DNAH17: variants seen among roughly 807,000 people sequenced by gnomAD.
The protein encoded by DNAH17 is axonemal beta dynein heavy chain 17.
In DNAH17, 376 loss-of-function variants were observed where a neutral mutation model predicts 485.6. The ratio of observed to expected loss-of-function variants is 0.77; its 90% CI spans 0.71 to 0.84. DNAH17 has a LOEUF of 0.84. Among genes scored for constraint, DNAH17 ranks in the 40% least tolerant of loss-of-function variants. The pLI, the probability that DNAH17 is intolerant of heterozygous loss-of-function variation, is 0.00. For synonymous variants in DNAH17, 3,031 were observed against 2,405.9 expected, an observed-to-expected ratio of 1.26 and a Z score of -7.60; for missense variants, 6,370 against 5,839.3, an observed-to-expected ratio of 1.09 and a Z score of -2.96.
chr17:78,562,084 ATG>A, intron 11 of DNAH17, 104 bp from the exon 12 acceptor site: 1 of 1,354,414 alleles, frequency 7.4e-7, no homozygotes, highest in Non-Finnish European at 9.8e-7. Flanking sequence ...GAGTGAGAGA[ATG>A]TGTACCTTGC....
chr17:78,471,966 C>G (rs929649923), intron 54 of DNAH17, among the ~76,000 whole-genome samples: 1 of 152,164 alleles, frequency 6.6e-6, no homozygotes, highest in Non-Finnish European at 1.5e-5. Context: ...TTCTCCCCCA[C>G]CCTCCCTCCT....
intron 39 of DNAH17, 63 bp downstream of exon 39, chr17:78,494,896 C>A: frequency 1.9e-6 from 3 of 1,577,900 alleles, no homozygotes; most frequent in African/African-American, 2.7e-5. Flanking sequence ...GAAGCCAACC[C>A]TGGCTGCTGC....
At chr17:78,433,722 G>C (rs1322541610) in intron 75 of DNAH17, among the ~76,000 whole-genome samples, 3 of 152,064 alleles carry the variant, frequency 2.0e-5, no homozygotes, top group Non-Finnish European at 4.4e-5. Context: ...AAGAGGGGCA[G>C]GTGGCGTGGA....
At chr17:78,505,248 G>A (rs775237934) in intron 31 of DNAH17, 45 bp downstream of exon 31, 1 of 1,610,264 alleles carries the variant, frequency 6.2e-7, no homozygotes, top group Non-Finnish European at 8.5e-7. Context: ...CACGCGTGCT[G>A]CACCCTTGTC....
Position 78,441,080 on chromosome 17 carries a change from AC to A in DNAH17, c.11647del (p.Val3883LeufsTer4). On this transcript the variant is annotated frameshift_variant, in exon 72 of 81. Coordinates refer to ENST00000389840, the MANE Select transcript of DNAH17 (RefSeq NM_173628.4). LOFTEE classifies it high-confidence loss of function. The part of the protein sequence containing the change: ...TSIFFILSPG[V>X]DPLKDVEALG... Reference sequence around the variant, plus strand: ...GGCTTCCACGTCTTTCAAGGGGTCAACCCCCGGGGAGAGGATGAAGAAGATT... The same window carrying A: ...GGCTTCCACGTCTTTCAAGGGGTCAACCCCGGGGAGAGGATGAAGAAGATT... 1.2e-6 allele frequency: 2 copies of A among 1,607,330 alleles called. No individual in the cohort carries two copies. Among genetic ancestry groups the A allele is most frequent in the Non-Finnish European group, 1.7e-6 (2 of 1,176,944 alleles).
chr17:78,474,981 T>TCACACC (rs2088946019), intron 54 of DNAH17, among the ~76,000 whole-genome samples: 1 of 149,204 alleles, frequency 6.7e-6, no homozygotes, highest in African/African-American at 2.5e-5. Context: ...CTGGAAGGTT[T>TCACACC]CACACGCTTC....
chr17:78,501,323 T>C lies in DNAH17; in HGVS notation c.5344A>G (p.Thr1782Ala), dbSNP rs1192141782. The C allele has an allele frequency of 6.2e-7, 1 of 1,600,862 alleles. No individual in the cohort carries two copies. The highest frequency in any genetic ancestry group is 2.3e-5 in the East Asian group (1 of 44,404). Residue 1782 changes from threonine (T) to alanine (A), a missense_variant, in exon 35 of 81, where the codon ACC becomes GCC. Coordinates refer to ENST00000389840, the MANE Select transcript of DNAH17 (RefSeq NM_173628.4). ...CGATGCCGGAGCTGGGCCTGCCAGG[T>C]GAAGGCCTGAGAACTCTCCACCTGC... The part of the protein sequence containing the change: ...VAKVESSQAF[T>A]WQAQLRHRWD...
intron 69 of DNAH17, 46 bp downstream of exon 69, chr17:78,449,368 C>A (rs1269172954): frequency 6.6e-7 from 1 of 1,514,592 alleles, no homozygotes; most frequent in Non-Finnish European, 8.9e-7. Context: ...GTCAGTGACA[C>A]CGCTGGTCCA....
chr17:78,437,258 A>G (rs2086878629), intron 74 of DNAH17, among the ~76,000 whole-genome samples: 1 of 152,160 alleles, frequency 6.6e-6, no homozygotes, highest in Non-Finnish European at 1.5e-5. Flanking sequence ...CTCCCAGGAA[A>G]GCTGACCAGC....
chr17:78,478,272 C>A (rs543718285), intron 51 of DNAH17, among the ~76,000 whole-genome samples: 6 of 148,376 alleles, frequency 4.0e-5, no homozygotes, highest in African/African-American at 1.3e-4. Context: ...TCATCTCCAC[C>A]ACCATCACCA....
chr17:78,449,168 C>G (rs1206755309), intron 69 of DNAH17, among the ~76,000 whole-genome samples: 3 of 152,172 alleles, frequency 2.0e-5, no homozygotes, highest in East Asian at 3.8e-4. Flanking sequence ...CTTAAAACAC[C>G]ACCCCTTCAC....
At chr17:78,478,565 A>G (rs1465761312) in intron 51 of DNAH17, among the ~76,000 whole-genome samples, 1 of 151,572 alleles carries the variant, frequency 6.6e-6, no homozygotes, top group Admixed American at 6.6e-5. Context: ...CACCATCATC[A>G]TGACCATCAC....
At position 78,500,392 on chromosome 17, in the gene DNAH17, G is replaced by T. The variant is rs758819911; in HGVS notation, c.5553C>A (p.Thr1851=). The part of the protein sequence containing the change: ...MGGAPAGPAG[T]GKTETTKDLG... ...GGTCCTTGGTCGTCTCAGTCTTGCCGGTCCCAGCGGGGCCGGCAGGGGCTC... is the reference window on the plus strand; with the variant it reads ...GGTCCTTGGTCGTCTCAGTCTTGCCTGTCCCAGCGGGGCCGGCAGGGGCTC... Residue 1851 remains threonine (T), a synonymous_variant, in exon 36 of 81, where the codon ACC becomes ACA. Coordinates refer to ENST00000389840, the MANE Select transcript of DNAH17 (RefSeq NM_173628.4). The T allele has an allele frequency of 3.7e-6, 6 of 1,612,108 alleles. No individual in the cohort carries two copies. The highest frequency in any genetic ancestry group is 1.3e-5 in the African/African-American group (1 of 74,808).
intron 68 of DNAH17, 25 bp from the exon 69 acceptor site, chr17:78,449,609 T>C (rs1265271021): frequency 1.9e-6 from 3 of 1,587,224 alleles, no homozygotes; most frequent in Non-Finnish European, 2.6e-6. Context: ...CCGAGAGCCA[T>C]GGAGGCGTGC....
chr17:78,498,906 T>C (rs1334710972), intron 37 of DNAH17, 102 bp downstream of exon 37: 1 of 889,450 alleles, frequency 1.1e-6, no homozygotes, highest in East Asian at 2.9e-5. Flanking sequence ...GCTTGGAACG[T>C]TGCAGAGAGG....
rs190167225 is a variant in DNAH17 at position 78,574,950 on chromosome 17, G to A, written c.108C>T (p.Asn36=). Residue 36 remains asparagine, a synonymous_variant, in exon 2 of 81, where the codon AAC becomes AAT. Coordinates refer to ENST00000389840, the MANE Select transcript of DNAH17 (RefSeq NM_173628.4). ...KWSKLIGAEE[N]VALFTEFFEK... is the part of the protein sequence containing the mutation. The stretch of plus-strand genomic sequence containing the variant: ...CAAAGAACTCTGTGAACAGGGCCAC[G>A]TTCTCCTCGGCGCCTATCAGCTTGC... 182 of 1,614,004 alleles carry A rather than the reference G, an allele frequency of 1.1e-4. No homozygotes were observed. The highest frequency in any genetic ancestry group is 1.4e-4 in the Non-Finnish European group (164 of 1,179,890).
intron 20 of DNAH17, among the ~76,000 whole-genome samples, chr17:78,531,570 C>T (rs1254845832): frequency 1.3e-5 from 2 of 151,968 alleles, no homozygotes; most frequent in African/African-American, 2.4e-5. Context: ...GATCTCCTGA[C>T]CTCACGATCC....
chr17:78,493,572 G>A (rs2089950337), intron 41 of DNAH17, among the ~76,000 whole-genome samples: 1 of 152,222 alleles, frequency 6.6e-6, no homozygotes, highest in East Asian at 1.9e-4. Flanking sequence ...GACTGGCGGT[G>A]GGAGTGATCT....
intron 26 of DNAH17, among the ~76,000 whole-genome samples, chr17:78,513,713 GGCAT>G (rs2090699454): frequency 6.6e-6 from 1 of 152,196 alleles, no homozygotes; most frequent in Non-Finnish European, 1.5e-5. Context: ...TGGGATTACA[GGCAT>G]GAGCCACCGC....
Sources: gnomAD v4.1 joint callset for allele counts (sites outside exome capture counted in the v4.1 genomes callset) on GRCh38, gnomAD v4.1.1 for gene constraint, MANE v1.5 for transcripts, NCBI Gene and HGNC (gene_info 2026-07-23, HGNC 2026-07-21) for gene names.